Variants in RBFOX1 observed in about 807,000 individuals in gnomAD.
RBFOX1 encodes the protein RNA binding fox-1 homolog 1.
A neutral mutation model predicts 57.7 loss-of-function variants in RBFOX1; 8 were observed. That is an observed-to-expected ratio of 0.14 (90% CI 0.08 to 0.25). The LOEUF (loss-of-function observed/expected upper bound fraction) is 0.25, where lower values mean the gene tolerates loss of function less well. Among genes scored for constraint, RBFOX1 ranks in the 10% least tolerant of loss-of-function variants. The probability of loss-of-function intolerance (pLI) is 1.00; values close to 1 mark genes in which losing one functional copy is unlikely to be tolerated. For missense variants in RBFOX1, 611 were observed against 548.5 expected (o/e 1.11, Z -1.14); for synonymous variants, 326 against 222.4 (o/e 1.47, Z -4.15).
intron 3 of RBFOX1, among the ~76,000 whole-genome samples, chr16:6,957,372 C>G (rs778818164): frequency 6.6e-6 from 1 of 152,090 alleles, no homozygotes; most frequent in Non-Finnish European, 1.5e-5. Flanking sequence ...ACTTCGTGAT[C>G]TGCCTCCCAA....
chr16:7,264,662 C>T (rs941658446), intron 4 of RBFOX1, among the ~76,000 whole-genome samples: 1 of 152,140 alleles, frequency 6.6e-6, no homozygotes, highest in Non-Finnish European at 1.5e-5. Flanking sequence ...ATGTAATTTT[C>T]AGGTGTCATG....
intron 14 of RBFOX1, among the ~76,000 whole-genome samples, chr16:7,705,231 G>A (rs916186705): frequency 1.3e-5 from 2 of 152,084 alleles, no homozygotes; most frequent in Admixed American, 6.5e-5. Context: ...TGTGGGCCGG[G>A]CATGGTGGCT....
chr16:5,531,828 G>A (rs2044489864), intron 2 of RBFOX1, among the ~76,000 whole-genome samples: 2 of 145,400 alleles, frequency 1.4e-5, no homozygotes, highest in African/African-American at 5.1e-5. Flanking sequence ...TTGAGATGGA[G>A]TCTCACTCTG....
At chr16:5,500,018 G>T (rs890964476) in intron 2 of RBFOX1, among the ~76,000 whole-genome samples, 1 of 151,948 alleles carries the variant, frequency 6.6e-6, no homozygotes, top group African/African-American at 2.4e-5. Context: ...TCTCGCATTT[G>T]CCTAGATCTG....
chr16:5,278,849 C>T (rs532816901), intron 1 of RBFOX1, among the ~76,000 whole-genome samples: 1 of 152,208 alleles, frequency 6.6e-6, no homozygotes, highest in African/African-American at 2.4e-5. Flanking sequence ...AGAGGGTGTC[C>T]TTTATTCAAT....
intron 3 of RBFOX1, among the ~76,000 whole-genome samples, chr16:6,865,386 C>A (rs901620534): frequency 6.6e-6 from 1 of 151,926 alleles, no homozygotes; most frequent in African/African-American, 2.4e-5. Flanking sequence ...CAGAAAAACA[C>A]AAAGAAGAAA....
intron 2 of RBFOX1, among the ~76,000 whole-genome samples, chr16:5,532,234 T>A (rs887957666): frequency 2.0e-5 from 3 of 152,202 alleles, no homozygotes; most frequent in African/African-American, 7.2e-5. Flanking sequence ...AGGGCCTCTA[T>A]CCATTATCTT....
chr16:5,343,357 C>T (rs555942184), intron 1 of RBFOX1, among the ~76,000 whole-genome samples: 42 of 147,230 alleles, frequency 2.9e-4, no homozygotes, highest in African/African-American at 9.4e-4. Flanking sequence ...CTCCATTGCC[C>T]AGGCTGGAGT....
intron 1 of RBFOX1, among the ~76,000 whole-genome samples, chr16:5,425,703 G>T (rs1281519079): frequency 6.6e-6 from 1 of 152,144 alleles, no homozygotes; most frequent in East Asian, 1.9e-4. Flanking sequence ...AGGGGAGAGT[G>T]GCAAGAGGTC....
At chr16:6,443,974 C>T (rs1241788436) in intron 2 of RBFOX1, among the ~76,000 whole-genome samples, 1 of 152,094 alleles carries the variant, frequency 6.6e-6, no homozygotes, top group African/African-American at 2.4e-5. Flanking sequence ...CTCAGGAAGG[C>T]CACTGTCTTG....
chr16:6,020,700 G>T (rs1596436053), intron 1 of RBFOX1, among the ~76,000 whole-genome samples: 1 of 108,982 alleles, frequency 9.2e-6, no homozygotes, highest in Non-Finnish European at 1.9e-5. Flanking sequence ...GTGCAGGCCA[G>T]GGGGGGGCTT....
At chr16:6,927,600 G>C (rs1567920762) in intron 3 of RBFOX1, among the ~76,000 whole-genome samples, 1 of 151,952 alleles carries the variant, frequency 6.6e-6, no homozygotes, top group Non-Finnish European at 1.5e-5. Context: ...GCCTGGAAAA[G>C]TACCTGACAT....
intron 1 of RBFOX1, among the ~76,000 whole-genome samples, chr16:6,235,465 C>T (rs893715713): frequency 6.6e-6 from 1 of 151,948 alleles, no homozygotes; most frequent in African/African-American, 2.4e-5. Flanking sequence ...CTGTCTATAG[C>T]AGCACAATTT....
chr16:6,857,377 C>T (rs1453819092), intron 3 of RBFOX1, among the ~76,000 whole-genome samples: 1 of 152,090 alleles, frequency 6.6e-6, no homozygotes, highest in Non-Finnish European at 1.5e-5. Context: ...CTTAGTGAAT[C>T]AGAGGTCTCC....
At chr16:6,069,269 A>G (rs1295725490) in intron 1 of RBFOX1, among the ~76,000 whole-genome samples, 2 of 152,030 alleles carry the variant, frequency 1.3e-5, no homozygotes, top group Admixed American at 6.6e-5. Flanking sequence ...GTAGGGGCAC[A>G]TACCTGTAAT....
intron 4 of RBFOX1, among the ~76,000 whole-genome samples, chr16:7,416,795 T>TA (rs2098482235): frequency 6.6e-6 from 1 of 152,030 alleles, no homozygotes; most frequent in African/African-American, 2.4e-5. Flanking sequence ...CGATAGTGAG[T>TA]AGATATCATG....
intron 4 of RBFOX1, among the ~76,000 whole-genome samples, chr16:7,244,409 C>G (rs1180638640): frequency 6.6e-6 from 1 of 152,138 alleles, no homozygotes; most frequent in Non-Finnish European, 1.5e-5. Flanking sequence ...CCTGAGCCAG[C>G]CATTTCAGCA....
chr16:5,856,222 T>TACACAC (rs1477415634), intron 3 of RBFOX1, among the ~76,000 whole-genome samples: 3 of 52,306 alleles, frequency 5.7e-5, no homozygotes, highest in Non-Finnish European at 1.1e-4. Context: ...TATATGTATA[T>TACACAC]ATATATGTAT....
intron 4 of RBFOX1, among the ~76,000 whole-genome samples, chr16:7,139,913 G>A (rs929977932): frequency 2.6e-5 from 4 of 151,968 alleles, no homozygotes; most frequent in African/African-American, 7.3e-5. Context: ...CTGTGGAGGA[G>A]GAAGAAGGTA....
Sources: gnomAD v4.1 joint callset for allele counts (sites outside exome capture counted in the v4.1 genomes callset) on GRCh38, gnomAD v4.1.1 for gene constraint, MANE v1.5 for transcripts, NCBI Gene and HGNC (gene_info 2026-07-23, HGNC 2026-07-21) for gene names.